SERPINB1: variants seen among roughly 807,000 people sequenced by gnomAD.
SERPINB1 encodes serpin family B member 1.
A neutral mutation model predicts 25.9 loss-of-function variants in SERPINB1; 23 were observed. The ratio of observed to expected loss-of-function variants is 0.89; its 90% CI spans 0.64 to 1.26. The LOEUF is 1.26. SERPINB1 is among the 50% of genes most tolerant of loss of function. The pLI, the probability that SERPINB1 is intolerant of heterozygous loss-of-function variation, is 0.00. For synonymous variants in SERPINB1, 178 were observed against 178.7 expected (o/e 1.00, Z 0.03); for missense variants, 399 against 463.6 (o/e 0.86, Z 1.28).
chr6:2,840,478 A>T lies in SERPINB1; in HGVS notation c.109T>A (p.Ser37Thr). ...CCCAGAAAAACCATGGCCATAGCAG[A>T]TGAAATGCTGAAGGGAGAGATGAAG... ...NIFISPFSISSAMAMVFLGTR... is the reference protein window; with the variant it reads ...NIFISPFSISTAMAMVFLGTR... The change falls in exon 2 of 7, where the codon TCT (serine) becomes ACT (threonine). Residue 37 changes from serine to threonine, a missense_variant. Ser to Thr is a moderately conservative substitution (Grantham distance 58, BLOSUM62 1). Transcript: ENST00000380739. 1 of 1,614,154 alleles carries T rather than the reference A, an allele frequency of 6.2e-7. No individual in the cohort carries two copies. Among genetic ancestry groups the T allele is most frequent in the Non-Finnish European group, 8.5e-7 (1 of 1,180,026 alleles).
Position 2,833,330 on chromosome 6 carries a change from G to GCA in SERPINB1, c.*277_*278insTG, listed in dbSNP as rs1388347325. On this transcript the variant is annotated 3_prime_UTR_variant, in exon 7 of 7. Transcript: ENST00000380739. Reference sequence around the variant, plus strand: ...TAGCAATTTTATAGATTACTACATGGTCAAGAATCTACGCATCGGATGTAT... The same window carrying GCA: ...TAGCAATTTTATAGATTACTACATGGCATCAAGAATCTACGCATCGGATGTAT... 3.1e-6 allele frequency: 1 copy of GCA among 323,650 alleles called. No individual in the cohort carries two copies. Among genetic ancestry groups the GCA allele is most frequent in the African/African-American group, 2.1e-5 (1 of 46,656 alleles). The allele number at this position is 323,650 out of a possible 1,614,324, so 20.0% of individuals were successfully genotyped here. A position where few individuals can be genotyped will look rare whatever the true frequency, so the allele number is the denominator to read the frequency against.
chr6:2,838,781 T>C (rs1766568041), intron 2 of SERPINB1, 95 bp from the exon 3 acceptor site: 10 of 1,000,658 alleles, frequency 1.0e-5, no homozygotes, highest in Non-Finnish European at 1.4e-5. Flanking sequence ...ATTAATGTGT[T>C]TTTATTACTA....
rs1418471716 is a variant in SERPINB1 at position 2,841,851 on chromosome 6, G to A, written c.-48C>T. Reference sequence around the variant, plus strand: ...AGGCACGCTCCGGGCTCCGAGCTGGGTGCGAGGTCAGGAAGGAGGCACCGA... The same window carrying A: ...AGGCACGCTCCGGGCTCCGAGCTGGATGCGAGGTCAGGAAGGAGGCACCGA... On this transcript the variant is annotated 5_prime_UTR_variant, in exon 1 of 7. Coordinates refer to ENST00000380739, the MANE Select transcript of SERPINB1 (RefSeq NM_030666.4). This position sits in a 1 kb window ranked among gnomAD's most constrained non-coding sequence, Gnocchi z 4.5. 6.6e-6 allele frequency: 1 copy of A among 152,252 alleles called. No homozygotes were observed. The highest frequency in any genetic ancestry group is 1.5e-5 in the Non-Finnish European group (1 of 68,086). 9.4% of individuals were successfully genotyped at this position (152,252 alleles called of 1,614,324 possible). A position where few individuals can be genotyped will look rare whatever the true frequency, so the allele number is the denominator to read the frequency against.
At chr6:2,834,731 T>C (rs1364689112) in intron 6 of SERPINB1, among the ~76,000 whole-genome samples, 3 of 152,252 alleles carry the variant, frequency 2.0e-5, no homozygotes, top group Admixed American at 1.3e-4. Flanking sequence ...TAATATCTAA[T>C]AACTTTAGCT....
At chr6:2,839,335 C>A (rs945399686) in intron 2 of SERPINB1, 1 of 984,998 alleles carries the variant, frequency 1.0e-6, no homozygotes, top group Admixed American at 6.2e-5. Context: ...CATTACTCAC[C>A]GAGATATGGA....
At chr6:2,835,766 C>T in intron 6 of SERPINB1, 90 bp downstream of exon 6, 1 of 1,370,414 alleles carries the variant, frequency 7.3e-7, no homozygotes, top group African/African-American at 1.5e-5. Flanking sequence ...CTGGAAAATG[C>T]ACCATCAGTG....
At chr6:2,838,136 A>C in intron 3 of SERPINB1, 137 bp from the exon 4 acceptor site, 1 of 629,840 alleles carries the variant, frequency 1.6e-6, no homozygotes, top group Non-Finnish European at 2.7e-6. Context: ...TAACTCTTAT[A>C]GTTTTTCTTA....
Position 2,833,511 on chromosome 6 carries a change from G to T in SERPINB1, c.*97C>A. ...AATGAAAGACTTGTTTCTGAACAGT[G>T]GTTTTATTGGTAAAGATATAAGACA... is the stretch of plus-strand genomic sequence containing the variant. On this transcript the variant is annotated 3_prime_UTR_variant, in exon 7 of 7. Coordinates refer to ENST00000380739, the MANE Select transcript of SERPINB1 (RefSeq NM_030666.4). 1 of 1,150,340 alleles carries T rather than the reference G, an allele frequency of 8.7e-7. No homozygotes were observed. Among genetic ancestry groups the T allele is most frequent in the Non-Finnish European group, 1.2e-6 (1 of 835,600 alleles). 71.3% of individuals were successfully genotyped at this position (1,150,340 alleles called of 1,614,324 possible).
intron 6 of SERPINB1, among the ~76,000 whole-genome samples, chr6:2,835,098 G>A (rs1766446415): frequency 6.6e-6 from 1 of 152,170 alleles, no homozygotes; most frequent in Non-Finnish European, 1.5e-5. Context: ...ACATGCAAAT[G>A]ATTAACATTA....
In SERPINB1 at chr6:2,832,753, G is replaced by A. The variant is rs1766368109; in HGVS notation, c.*855C>T. 1 of 151,546 alleles carries A rather than the reference G, an allele frequency of 6.6e-6. No homozygotes were observed. The highest frequency in any genetic ancestry group is 2.4e-5 in the African/African-American group (1 of 40,928). The allele number at this position is 151,546 out of a possible 1,614,324, so 9.4% of individuals were successfully genotyped here. On this transcript the variant is annotated 3_prime_UTR_variant, in exon 7 of 7. Coordinates refer to ENST00000380739, the MANE Select transcript of SERPINB1 (RefSeq NM_030666.4). ...ACCCAGGAGGCAGAGGTTGCGGTGA[G>A]CTGAGATCGTGCCACTGCACTCCAG...
chr6:2,839,394 G>A, intron 2 of SERPINB1: 1 of 984,916 alleles, frequency 1.0e-6, no homozygotes, highest in Non-Finnish European at 1.2e-6. Context: ...AAATGGGGGA[G>A]GAGTCCTTAA....
chr6:2,838,740 G>A, intron 2 of SERPINB1, 54 bp from the exon 3 acceptor site: 4 of 1,368,488 alleles, frequency 2.9e-6, no homozygotes, highest in Non-Finnish European at 2.9e-6. Flanking sequence ...ACTATAAAGT[G>A]ATTCCTTGGT....
At chr6:2,840,273 A>C in intron 2 of SERPINB1, 146 bp downstream of exon 2, 1 of 921,844 alleles carries the variant, frequency 1.1e-6, no homozygotes, top group Admixed American at 2.8e-5. Flanking sequence ...CCTGCATACA[A>C]GTGTGACTTT....
At chr6:2,840,207 A>G (rs1231666099) in intron 2 of SERPINB1, among the ~76,000 whole-genome samples, 1 of 152,178 alleles carries the variant, frequency 6.6e-6, no homozygotes, top group Non-Finnish European at 1.5e-5. Flanking sequence ...AGCAATACGA[A>G]AAACAGTTCC....
At chr6:2,836,344 A>G (rs1311019320) in intron 4 of SERPINB1, 94 bp from the exon 5 acceptor site, 1 of 1,265,608 alleles carries the variant, frequency 7.9e-7, no homozygotes, top group Non-Finnish European at 1.1e-6. Context: ...ATTCAAATAT[A>G]TAATTTCTAC....
In SERPINB1 at chr6:2,833,562, A is replaced by G. The variant is rs374326360; in HGVS notation, c.*46T>C. On this transcript the variant is annotated 3_prime_UTR_variant, in exon 7 of 7. Transcript: ENST00000380739. ...TATTGGCTCTATTAAAAACTCAGGT[A>G]ATAAAGCACTAAGCTTGATTTTTGT... 8.8e-5 allele frequency: 133 copies of G among 1,511,630 alleles called. No individual in the cohort carries two copies. The highest frequency in any genetic ancestry group is 1.1e-4 in the Non-Finnish European group (125 of 1,123,970). 93.6% of individuals were successfully genotyped at this position (1,511,630 alleles called of 1,614,324 possible). A position where few individuals can be genotyped will look rare whatever the true frequency, so the allele number is the denominator to read the frequency against.
intron 4 of SERPINB1, among the ~76,000 whole-genome samples, chr6:2,836,459 C>A (rs192853883): frequency 3.3e-5 from 5 of 152,260 alleles, no homozygotes; most frequent in African/African-American, 1.2e-4. Flanking sequence ...GGATGACACA[C>A]AAACTTCCCA....
chr6:2,835,711 G>A (rs1766468795), intron 6 of SERPINB1, 145 bp downstream of exon 6: 3 of 850,718 alleles, frequency 3.5e-6, no homozygotes, highest in East Asian at 5.3e-5. Context: ...GGGCTTTAGT[G>A]TAGTAAGTGT....
chr6:2,839,284 T>C, intron 2 of SERPINB1: 1 of 983,554 alleles, frequency 1.0e-6, no homozygotes, highest in Non-Finnish European at 1.2e-6. Context: ...TCCTTTATGA[T>C]TAAGACACAA....
Sources: allele counts gnomAD v4.1 joint callset (sites outside exome capture counted in the v4.1 genomes callset), GRCh38; gene constraint gnomAD v4.1.1; non-coding constraint Gnocchi (gnomAD v3.1); transcripts MANE v1.5; gene names NCBI Gene and HGNC (gene_info 2026-07-23, HGNC 2026-07-21).